The following SDCCAG8 variants were observed in gnomAD, a reference collection of about 807,000 sequenced individuals.
The protein encoded by SDCCAG8 is serologically defined colon cancer antigen 8.
A neutral mutation model predicts 101.8 loss-of-function variants in SDCCAG8; 74 were observed. That is an observed-to-expected ratio of 0.73 (90% CI 0.60 to 0.88). SDCCAG8 has a LOEUF of 0.88. Ranked by LOEUF, SDCCAG8 falls within the 40% of genes least tolerant of loss-of-function variation. The pLI, the probability that SDCCAG8 is intolerant of heterozygous loss-of-function variation, is 0.00. For synonymous variants in SDCCAG8, 281 were observed against 292.9 expected (o/e 0.96, Z 0.41); for missense variants, 787 against 822.6 (o/e 0.96, Z 0.53).
intron 12 of SDCCAG8, among the ~76,000 whole-genome samples, chr1:243,354,235 G>T (rs2076260969): frequency 6.6e-6 from 1 of 152,102 alleles, no homozygotes; most frequent in African/African-American, 2.4e-5. Context: ...GTATTTCTTT[G>T]CCCCTCTTAA....
intron 12 of SDCCAG8, among the ~76,000 whole-genome samples, chr1:243,361,193 G>A (rs900990246): frequency 6.6e-6 from 1 of 152,094 alleles, no homozygotes; most frequent in Non-Finnish European, 1.5e-5. Flanking sequence ...TCTTTTCTTC[G>A]CCGGGTTCTC....
At chr1:243,256,567 A>T (rs1275571562) in intron 1 of SDCCAG8, among the ~76,000 whole-genome samples, 5 of 152,236 alleles carry the variant, frequency 3.3e-5, no homozygotes, top group African/African-American at 1.2e-4. Flanking sequence ...TTAATCCAAT[A>T]AAAGTCTGAT....
intron 11 of SDCCAG8, 123 bp from the exon 12 acceptor site, chr1:243,344,092 A>G (rs1170641585): frequency 2.6e-6 from 2 of 769,464 alleles, no homozygotes; most frequent in Non-Finnish European, 4.6e-6. Context: ...AGAAAATGGC[A>G]TTCTTAGAAA....
chr1:243,411,477 CTG>C (rs1198296844), intron 13 of SDCCAG8, among the ~76,000 whole-genome samples: 16 of 152,252 alleles, frequency 1.1e-4, no homozygotes, highest in African/African-American at 3.8e-4. Context: ...CAATTTCTAA[CTG>C]TGCAGGTAAA....
chr1:243,350,198 T>C (rs1489498795), intron 12 of SDCCAG8, among the ~76,000 whole-genome samples: 1 of 151,970 alleles, frequency 6.6e-6, no homozygotes, highest in African/African-American at 2.4e-5. Flanking sequence ...GCCCTAAAAG[T>C]CAGTCCTTTT....
In SDCCAG8 at chr1:243,430,208, T is replaced by C. The variant is rs1410961250; in HGVS notation, c.1985+3650T>C. On this transcript the variant is annotated intron_variant, in intron 16 of 17. Coordinates refer to ENST00000366541, the MANE Select transcript of SDCCAG8 (RefSeq NM_006642.5). ...TGAATCGGTAAGCAGTGGGATTAGA[T>C]CAGGAATTGGCAAACTATCTGGCCC... is the stretch of plus-strand genomic sequence containing the variant. Among the ~76,000 whole-genome samples, 7 of 152,082 alleles carry C rather than the reference T, an allele frequency of 4.6e-5. No individual in the cohort carries two copies. The East Asian group carries it at 1.4e-3, about 29-fold the overall frequency.
chr1:243,318,359 AT>A (rs2073447749), intron 9 of SDCCAG8: 1 of 154,828 alleles, frequency 6.5e-6, no homozygotes, highest in African/African-American at 2.4e-5. Context: ...CCTTGAGGAT[AT>A]AGGGTGGGAG....
intron 16 of SDCCAG8, 73 bp downstream of exon 16, chr1:243,426,631 CT>C: frequency 1.3e-6 from 2 of 1,562,890 alleles, no homozygotes; most frequent in Non-Finnish European, 1.8e-6. Flanking sequence ...AGGGGAATTG[CT>C]GCGGAATAAG....
At position 243,341,163 on chromosome 1, in the gene SDCCAG8, A is replaced by G; in HGVS notation, c.1346A>G (p.Asp449Gly). ...IQSQLASREM[D>G]VTKVCGEMRY... ...AGCCAGCTGGCTTCTCGGGAAATGGATGTCACAAAGGTACAGAAAGAGATT... is the reference window on the plus strand; with the variant it reads ...AGCCAGCTGGCTTCTCGGGAAATGGGTGTCACAAAGGTACAGAAAGAGATT... Residue 449 changes from aspartate to glycine, a missense_variant, in exon 11 of 18, where the codon GAT becomes GGT. Asp to Gly is a moderately conservative substitution (Grantham distance 94, BLOSUM62 -1). Transcript: ENST00000366541. 6.2e-7 allele frequency: 1 copy of G among 1,614,066 alleles called. No individual in the cohort carries two copies. The highest frequency in any genetic ancestry group is 8.5e-7 in the Non-Finnish European group (1 of 1,179,944).
intron 13 of SDCCAG8, among the ~76,000 whole-genome samples, chr1:243,399,530 G>A (rs2079237251): frequency 6.6e-6 from 1 of 151,330 alleles, no homozygotes; most frequent in Non-Finnish European, 1.5e-5. Context: ...ATTTATTGCT[G>A]GAGTCTCACT....
intron 13 of SDCCAG8, among the ~76,000 whole-genome samples, chr1:243,414,875 G>GCA (rs74162286): frequency 2.7e-5 from 4 of 148,548 alleles, no homozygotes; most frequent in Admixed American, 2.0e-4. Flanking sequence ...GTGTGTGTGT[G>GCA]CACATGTACA....
chr1:243,456,552 C>T (rs143458423), intron 16 of SDCCAG8, among the ~76,000 whole-genome samples: 1 of 151,924 alleles, frequency 6.6e-6, no homozygotes, highest in East Asian at 1.9e-4. Flanking sequence ...ATTAGCTGTG[C>T]CTATATGTTT....
chr1:243,330,561 T>A lies in SDCCAG8; in HGVS notation c.1090T>A (p.Leu364Met), dbSNP rs1469099766. 1 of 1,613,984 alleles carries A rather than the reference T, an allele frequency of 6.2e-7. No homozygotes were observed. Reference protein sequence around the residue: ...KTKALIQCDQLRKELERQAER... With the variant: ...KTKALIQCDQMRKELERQAER... ...GCAGGCTTTAATCCAGTGTGACCAG[T>A]TGAGGAAGGAGCTGGAGAGGCAGGC... The change falls in exon 10 of 18, where the codon TTG (leucine) becomes ATG (methionine). Residue 364 changes from leucine to methionine, a missense_variant. Transcript: ENST00000366541.
chr1:243,290,052 T>C (rs1432182378), intron 5 of SDCCAG8, among the ~76,000 whole-genome samples: 1 of 152,102 alleles, frequency 6.6e-6, no homozygotes, highest in Non-Finnish European at 1.5e-5. Context: ...TTCTCTAGAG[T>C]TCACAAAATC....
At chr1:243,421,859 A>G (rs1159808868) in intron 15 of SDCCAG8, among the ~76,000 whole-genome samples, 1 of 152,184 alleles carries the variant, frequency 6.6e-6, no homozygotes, top group African/African-American at 2.4e-5. Context: ...AAACGGAGCT[A>G]TTTAAATATC....
chr1:243,474,693 GC>G lies in SDCCAG8; in HGVS notation c.1986-14318del, dbSNP rs1662026780. ...CTGTTCCACCTGCAGAGGCACAATT[GC>G]CCAGCGTGGGGTGGAAGGCAGGCTG... On this transcript the variant is annotated intron_variant, in intron 16 of 17. Transcript: ENST00000366541. This position sits in a 1 kb window ranked among gnomAD's most constrained non-coding sequence, Gnocchi z 4.7. Among the ~76,000 whole-genome samples, 1 of 152,204 alleles carries G rather than the reference GC, an allele frequency of 6.6e-6. No individual in the cohort carries two copies. The highest frequency in any genetic ancestry group is 1.5e-5 in the Non-Finnish European group (1 of 68,034).
At chr1:243,326,398 A>G (rs1202930475) in intron 9 of SDCCAG8, among the ~76,000 whole-genome samples, 1 of 152,220 alleles carries the variant, frequency 6.6e-6, no homozygotes, top group Non-Finnish European at 1.5e-5. Flanking sequence ...ACAGGGAGTC[A>G]GAAAGGCAGG....
At chr1:243,376,758 T>G (rs1324582731) in intron 12 of SDCCAG8, among the ~76,000 whole-genome samples, 2 of 152,156 alleles carry the variant, frequency 1.3e-5, no homozygotes, top group African/African-American at 2.4e-5. Flanking sequence ...ATGTCTGGAA[T>G]ACTGCAATTA....
chr1:243,312,293 G>A (rs1389292698), intron 8 of SDCCAG8, among the ~76,000 whole-genome samples: 1 of 152,232 alleles, frequency 6.6e-6, no homozygotes, highest in Non-Finnish European at 1.5e-5. Context: ...GTTTAAAAAT[G>A]ATACCTTAAA....
Sources: allele counts gnomAD v4.1 joint callset (sites outside exome capture counted in the v4.1 genomes callset), GRCh38; gene constraint gnomAD v4.1.1; non-coding constraint Gnocchi (gnomAD v3.1); transcripts MANE v1.5; gene names NCBI Gene and HGNC (gene_info 2026-07-23, HGNC 2026-07-21).